CSDE1: variants seen among roughly 807,000 people sequenced by gnomAD.
CSDE1 encodes the protein cold shock domain-containing protein E1.
A neutral mutation model predicts 89.3 loss-of-function variants in CSDE1; 17 were observed. That is an observed-to-expected ratio of 0.19 (90% CI 0.13 to 0.29). CSDE1 has a LOEUF of 0.29. Ranked by LOEUF, CSDE1 falls within the 10% of genes least tolerant of loss-of-function variation. The pLI, the probability that CSDE1 is intolerant of heterozygous loss-of-function variation, is 1.00. For missense variants in CSDE1, 672 were observed against 984.2 expected (o/e 0.68, Z 4.24); for synonymous variants, 322 against 332.8 (o/e 0.97, Z 0.35).
intron 2 of CSDE1, among the ~76,000 whole-genome samples, chr1:114,740,193 TG>T (rs1303924547): frequency 2.0e-5 from 3 of 152,182 alleles, no homozygotes; most frequent in South Asian, 2.1e-4. Context: ...TGCCTTTACA[TG>T]AAGTGAAAAT....
Position 114,734,451 on chromosome 1 carries a change from A to G in CSDE1, c.573T>C (p.Cys191=). The G allele has an allele frequency of 1.2e-6, 2 of 1,612,916 alleles. No individual in the cohort carries two copies. The highest frequency in any genetic ancestry group is 1.1e-5 in the South Asian group (1 of 90,652). Residue 191 remains cysteine, a synonymous_variant, in exon 7 of 20, where the codon TGT becomes TGC. Coordinates refer to ENST00000358528, the MANE Select transcript of CSDE1 (RefSeq NM_001007553.3). The part of the protein sequence containing the change: ...KKQARCQGVV[C]AMKEAFGFIE... ...CAAATTTAACACTTACCTTCATGGCACAAACTACTCCCTGACAGCGGGCTT... is the reference window on the plus strand; with the variant it reads ...CAAATTTAACACTTACCTTCATGGCGCAAACTACTCCCTGACAGCGGGCTT...
intron 5 of CSDE1, among the ~76,000 whole-genome samples, chr1:114,737,087 C>T (rs1334176203): frequency 6.6e-6 from 1 of 151,992 alleles, no homozygotes; most frequent in Non-Finnish European, 1.5e-5. Context: ...AGCTTACACA[C>T]GTGGAAGCAT....
chr1:114,738,106 T>C (rs756623374), intron 3 of CSDE1, 34 bp from the exon 4 acceptor site: 12 of 1,540,942 alleles, frequency 7.8e-6, no homozygotes, highest in Non-Finnish European at 1.1e-5. Flanking sequence ...TTTGTTGAAC[T>C]GATTTTTGCG....
chr1:114,747,909 G>A (rs1661104644), intron 2 of CSDE1, among the ~76,000 whole-genome samples: 1 of 151,942 alleles, frequency 6.6e-6, no homozygotes, highest in South Asian at 2.1e-4. Flanking sequence ...ACATAAAATT[G>A]TGGTTTCAAT....
intron 2 of CSDE1, among the ~76,000 whole-genome samples, chr1:114,744,466 C>T (rs1045624189): frequency 1.3e-5 from 2 of 152,028 alleles, no homozygotes; most frequent in African/African-American, 4.8e-5. Flanking sequence ...ATAGTTCCAG[C>T]TACTCAAGAG....
chr1:114,733,237 T>C (rs1021683800), intron 9 of CSDE1, among the ~76,000 whole-genome samples: 18 of 151,950 alleles, frequency 1.2e-4, no homozygotes, highest in African/African-American at 1.4e-4. Flanking sequence ...TAAAAAAAAA[T>C]ACATATTTGG....
At chr1:114,740,819 T>C (rs546619310) in intron 2 of CSDE1, among the ~76,000 whole-genome samples, 73 of 152,338 alleles carry the variant, frequency 4.8e-4, no homozygotes, top group Admixed American at 1.4e-3. Context: ...AGTAATGACA[T>C]TTCTAAATCA....
rs748238865 is a variant in CSDE1, at chr1:114,718,706, C to T, written c.2256G>A (p.Arg752=). 1 of 1,614,174 alleles carries T rather than the reference C, an allele frequency of 6.2e-7. No homozygotes were observed. Among genetic ancestry groups the T allele is most frequent in the South Asian group, 1.1e-5 (1 of 91,086 alleles). Residue 752 remains arginine (R), a synonymous_variant, in exon 19 of 20, where the codon CGG becomes CGA. Transcript: ENST00000358528. Reference sequence around the variant, plus strand: ...TGATATTCTTCAAGCGATTGACCAACCGATCAGGTCGAGGAGCTGCAACAG... The same window carrying T: ...TGATATTCTTCAAGCGATTGACCAATCGATCAGGTCGAGGAGCTGCAACAG... ...PKAVAAPRPD[R]LVNRLKNITL...
chr1:114,739,662 C>G (rs1267143818), intron 3 of CSDE1, 30 bp downstream of exon 3: 21 of 1,573,618 alleles, frequency 1.3e-5, no homozygotes, highest in Non-Finnish European at 1.7e-5. Context: ...TTTGTGATTA[C>G]ATTTTTACAA....
intron 17 of CSDE1, 69 bp downstream of exon 17, chr1:114,720,470 A>C: frequency 3.7e-6 from 5 of 1,365,998 alleles, no homozygotes; most frequent in Non-Finnish European, 4.9e-6. Context: ...CTTGGCTGAA[A>C]ATATTTGAAG....
At chr1:114,725,418 A>G (rs557423871) in intron 14 of CSDE1, 85 bp from the exon 15 acceptor site, 1 of 985,282 alleles carries the variant, frequency 1.0e-6, no homozygotes, top group African/African-American at 1.6e-5. Context: ...AGTAACAGTC[A>G]TGGCATGGCA....
At chr1:114,753,373 C>G (rs1169513330) in intron 1 of CSDE1, among the ~76,000 whole-genome samples, 1 of 152,206 alleles carries the variant, frequency 6.6e-6, no homozygotes, top group Non-Finnish European at 1.5e-5. Flanking sequence ...AACCCACCAA[C>G]AGTCATGAAT....
In CSDE1 at chr1:114,726,343, A is replaced by G; in HGVS notation, c.1508T>C (p.Val503Ala). 1 of 1,613,770 alleles carries G rather than the reference A, an allele frequency of 6.2e-7. No individual in the cohort carries two copies. Among genetic ancestry groups the G allele is most frequent in the South Asian group, 1.1e-5 (1 of 90,938 alleles). The stretch of plus-strand genomic sequence containing the variant: ...ACCTAAAAGTCGCACACAAGTTGCA[A>G]CCTGCTGTCCAGGCCTCTGTTTGTC... The part of the protein sequence containing the change: ...ISDKQRPGQQ[V>A]ATCVRLLGRN... The change falls in exon 14 of 20, where the codon GTT becomes GCT. Residue 503 changes from valine to alanine, a missense_variant. Coordinates refer to ENST00000358528, the MANE Select transcript of CSDE1 (RefSeq NM_001007553.3).
chr1:114,718,121 C>A lies in CSDE1; in HGVS notation c.*48G>T. The A allele has an allele frequency of 6.3e-7, 1 of 1,598,916 alleles. No homozygotes were observed. The highest frequency in any genetic ancestry group is 1.1e-5 in the South Asian group (1 of 90,404). ...GATATTCAGAACCCTTCACCAGATT[C>A]CCCCCAACTTGATCATAGTGGATTA... On this transcript the variant is annotated 3_prime_UTR_variant, in exon 20 of 20. Coordinates refer to ENST00000358528, the MANE Select transcript of CSDE1 (RefSeq NM_001007553.3).
intron 14 of CSDE1, among the ~76,000 whole-genome samples, chr1:114,725,965 C>T (rs1205305705): frequency 3.9e-5 from 6 of 152,164 alleles, no homozygotes; most frequent in Non-Finnish European, 7.4e-5. Context: ...ACATTATACA[C>T]CAAATGGCCA....
At chr1:114,747,646 T>C (rs940437818) in intron 2 of CSDE1, among the ~76,000 whole-genome samples, 5 of 151,966 alleles carry the variant, frequency 3.3e-5, no homozygotes, top group African/African-American at 4.8e-5. Flanking sequence ...GATCACAAGG[T>C]CAGGAATTCA....
In CSDE1 at chr1:114,734,020, T is replaced by A; in HGVS notation, c.680A>T (p.Asp227Val). The change falls in exon 8 of 20, where the codon GAT becomes GTT. Residue 227 changes from aspartate (D) to valine (V), a missense_variant. By Grantham distance (152) the Asp-to-Val change is radical. Around this residue, in one of 8 missense-constraint regions of CSDE1, gnomAD observed 169 missense variants for 262.9 expected, o/e 0.64. Coordinates refer to ENST00000358528, the MANE Select transcript of CSDE1 (RefSeq NM_001007553.3). ...GTCCTTGATTGTGAATTCCACATCA[T>A]CGCCAGGCTGTAAGGTTTCTAAGTC... Reference protein sequence around the residue: ...KGDLETLQPGDDVEFTIKDRN... With the variant: ...KGDLETLQPGVDVEFTIKDRN... The A allele has an allele frequency of 6.2e-7, 1 of 1,613,452 alleles. No individual in the cohort carries two copies. Among genetic ancestry groups the A allele is most frequent in the Non-Finnish European group, 8.5e-7 (1 of 1,179,942 alleles).
intron 10 of CSDE1, among the ~76,000 whole-genome samples, chr1:114,731,379 C>T (rs1660088489): frequency 6.8e-6 from 1 of 146,796 alleles, no homozygotes; most frequent in Non-Finnish European, 1.5e-5. Context: ...CAGATCTTGC[C>T]TTTGAAAATG....
intron 9 of CSDE1, 112 bp from the exon 10 acceptor site, chr1:114,732,928 AGCG>A: frequency 1.1e-6 from 1 of 880,568 alleles, no homozygotes; most frequent in Non-Finnish European, 1.8e-6. Context: ...AGTTCCCTGA[AGCG>A]AAAAAAGGTG....
Sources: allele counts gnomAD v4.1 joint callset (sites outside exome capture counted in the v4.1 genomes callset), GRCh38; gene constraint gnomAD v4.1.1; regional missense constraint gnomAD v4.1.1; transcripts MANE v1.5; gene names NCBI Gene and HGNC (gene_info 2026-07-23, HGNC 2026-07-21).